The following KCNC4 variants were observed in gnomAD, a reference collection of about 807,000 sequenced individuals.
KCNC4 encodes potassium voltage-gated channel subfamily C member 4, also known as voltage-gated potassium channel KCNC4.
A neutral mutation model predicts 42.8 loss-of-function variants in KCNC4; 23 were observed. The ratio of observed to expected loss-of-function variants is 0.54; its 90% confidence interval spans 0.39 to 0.76. The LOEUF (loss-of-function observed/expected upper bound fraction) is 0.76, where lower values mean the gene tolerates loss of function less well. Among genes scored for constraint, KCNC4 ranks in the 30% least tolerant of loss-of-function variants. The probability of loss-of-function intolerance (pLI) is 0.00; values close to 1 mark genes in which losing one functional copy is unlikely to be tolerated. For synonymous variants in KCNC4, 422 were observed against 393.5 expected, an observed-to-expected ratio of 1.07 and a Z score of -0.86; for missense variants, 751 against 898.2, an observed-to-expected ratio of 0.84 and a Z score of 2.10.
exon 4 of KCNC4, chr1:110,247,606 G>C (rs1312488868): frequency 1.4e-5 from 2 of 143,714 alleles, no homozygotes; most frequent in Non-Finnish European, 3.0e-5. Context: ...CCAGGCTGGA[G>C]TGCAGTGGTG....
chr1:110,254,064 A>G (rs753686160), downstream of KCNC4, among the ~76,000 whole-genome samples: 26 of 138,718 alleles, frequency 1.9e-4, no homozygotes, highest in Non-Finnish European at 2.9e-4. Flanking sequence ...CTGCTTCTTC[A>G]TGAGAAGGAA....
rs758622508 is a variant in KCNC4, at chr1:110,226,160, G to A, written c.1801G>A (p.Asp601Asn). Residue 601 changes from aspartate (D) to asparagine (N), a missense_variant, in exon 3 of 4, where the codon GAT (aspartate) becomes AAT (asparagine). Coordinates refer to ENST00000438661, the MANE Select transcript of KCNC4 (RefSeq NM_001039574.3). ...LLSTGDYACA[D>N]GSVRKETCQD... Reference sequence around the variant, plus strand: ...CAGCACTGGGGACTATGCCTGCGCCGATGGTAGTGTCCGGAAAGGTATGGC... The same window carrying A: ...CAGCACTGGGGACTATGCCTGCGCCAATGGTAGTGTCCGGAAAGGTATGGC... 1.9e-6 allele frequency: 3 copies of A among 1,614,008 alleles called. No homozygotes were observed. Among genetic ancestry groups the A allele is most frequent in the South Asian group, 2.2e-5 (2 of 91,070 alleles).
intron 1 of KCNC4, among the ~76,000 whole-genome samples, chr1:110,213,087 C>T (rs1458304884): frequency 6.8e-6 from 1 of 146,120 alleles, no homozygotes; most frequent in Non-Finnish European, 1.5e-5. Context: ...ACCGCCTCCT[C>T]CCCAAGTAAA....
intron 3 of KCNC4, among the ~76,000 whole-genome samples, chr1:110,231,126 T>G (rs1184174883): frequency 6.6e-6 from 1 of 152,238 alleles, no homozygotes; most frequent in Non-Finnish European, 1.5e-5. Context: ...GCAGGGTTAC[T>G]GGCAACCTAG....
chr1:110,220,634 T>C (rs1658047029), intron 1 of KCNC4: 1 of 152,202 alleles, frequency 6.6e-6, no homozygotes, highest in African/African-American at 2.4e-5. Flanking sequence ...CTGGCAGAAT[T>C]GGGATATGCT....
chr1:110,280,693 A>AT (rs1178302863), intron 1 of KCNC4, among the ~76,000 whole-genome samples: 1 of 151,920 alleles, frequency 6.6e-6, no homozygotes, highest in African/African-American at 2.4e-5. Flanking sequence ...ATAACAACAA[A>AT]TTTTTTTTCA....
rs1314086292 is a variant in KCNC4 at position 110,211,977 on chromosome 1, A to G, written c.478A>G (p.Ile160Val). 6.2e-7 allele frequency: 1 copy of G among 1,610,706 alleles called. No homozygotes were observed. Among genetic ancestry groups the G allele is most frequent in the Admixed American group, 1.7e-5 (1 of 59,954 alleles). The change falls in exon 1 of 4, where the codon ATC becomes GTC. Residue 160 changes from isoleucine (I) to valine (V), a missense_variant. Ile to Val is a conservative substitution (Grantham distance 29, BLOSUM62 3). Around this residue, in one of 4 missense-constraint regions of KCNC4, gnomAD observed 183 missense variants for 255.8 expected, o/e 0.72. Coordinates refer to ENST00000438661, the MANE Select transcript of KCNC4 (RefSeq NM_001039574.3). The surrounding 1 kb of genome is among the most constrained non-coding windows in gnomAD (Gnocchi z 6.5). Reference sequence around the variant, plus strand: ...CCGCGACGCCGAGGAGGCGCTCGACATCTTCGAGAGCCCGGACGGAGGCGG... The same window carrying G: ...CCGCGACGCCGAGGAGGCGCTCGACGTCTTCGAGAGCCCGGACGGAGGCGG... Reference protein sequence around the residue: ...QHRDAEEALDIFESPDGGGSG... With the variant: ...QHRDAEEALDVFESPDGGGSG...
At chr1:110,216,340 TGCCAAGCCTGCCCGGGGCAGC>T (rs1365164240) in intron 1 of KCNC4, among the ~76,000 whole-genome samples, 1 of 152,134 alleles carries the variant, frequency 6.6e-6, no homozygotes, top group Non-Finnish European at 1.5e-5. Context: ...AGGAGGGCAG[TGCCAAGCCTGCCCGGGGCAGC>T]CCCTCCACCT....
intron 1 of KCNC4, chr1:110,222,485 C>T (rs1027490262): frequency 3.1e-5 from 5 of 162,410 alleles, no homozygotes; most frequent in Admixed American, 2.9e-4. Flanking sequence ...GGTCCAGGAC[C>T]ATACTTTGAG....
chr1:110,227,815 A>C (rs1041116328), intron 3 of KCNC4, among the ~76,000 whole-genome samples: 3 of 152,184 alleles, frequency 2.0e-5, no homozygotes, highest in Non-Finnish European at 4.4e-5. Context: ...GGTACCAGTC[A>C]GGAGGGACCA....
chr1:110,262,133 G>C (rs1659467090), intron 1 of KCNC4, among the ~76,000 whole-genome samples: 1 of 152,162 alleles, frequency 6.6e-6, no homozygotes, highest in Admixed American at 6.5e-5. Context: ...CATATGTTTT[G>C]ATTCCATTTT....
downstream of KCNC4, chr1:110,238,294 T>C (rs908417706): frequency 2.0e-5 from 3 of 152,170 alleles, no homozygotes; most frequent in Non-Finnish European, 4.4e-5. Flanking sequence ...TCTACAGAAA[T>C]GTAGGCTTCC....
In KCNC4 at chr1:110,233,915, C is replaced by G. The variant is rs575829475; in HGVS notation, c.*943C>G. The G allele has an allele frequency of 6.6e-6, 1 of 152,668 alleles. No individual in the cohort carries two copies. Among genetic ancestry groups the G allele is most frequent in the East Asian group, 1.9e-4 (1 of 5,178 alleles). The allele number at this position is 152,668 out of a possible 1,614,324, so 9.5% of individuals were successfully genotyped here. A position where few individuals can be genotyped will look rare whatever the true frequency, so the allele number is the denominator to read the frequency against. ...GGTGTTGGTCAGTCCTTTTCTAAAG[C>G]TGTCCCCTCGTGTGTGTCTGGGGCA... On this transcript the variant is annotated 3_prime_UTR_variant, in exon 4 of 4. Transcript: ENST00000438661.
Position 110,223,594 on chromosome 1 carries a change from C to G in KCNC4, c.1309C>G (p.Leu437Val). The change falls in exon 2 of 4, where the codon CTG (leucine) becomes GTG (valine). Residue 437 changes from leucine to valine, a missense_variant. Leu to Val is a conservative substitution (Grantham distance 32). Coordinates refer to ENST00000438661, the MANE Select transcript of KCNC4 (RefSeq NM_001039574.3). This position sits in a 1 kb window ranked among gnomAD's most constrained non-coding sequence, Gnocchi z 7.5. ...FWWAVVTMTT[L>V]GYGDMYPKTW... ...GTGGGCTGTGGTCACCATGACGACA[C>G]TGGGCTACGGAGACATGTACCCCAA... 2 of 1,614,072 alleles carry G rather than the reference C, an allele frequency of 1.2e-6. No individual in the cohort carries two copies. Among genetic ancestry groups the G allele is most frequent in the Non-Finnish European group, 1.7e-6 (2 of 1,180,048 alleles).
chr1:110,276,928 GT>G (rs1221027439), intron 1 of KCNC4, among the ~76,000 whole-genome samples: 1 of 152,244 alleles, frequency 6.6e-6, no homozygotes, highest in East Asian at 1.9e-4. Context: ...GTTCTCAACA[GT>G]GCTGAGAGCC....
chr1:110,238,177 A>C (rs1239044608), downstream of KCNC4: 3 of 152,124 alleles, frequency 2.0e-5, no homozygotes, highest in Non-Finnish European at 2.9e-5. Context: ...TTCTTTCCCC[A>C]CAGGTTATGG....
chr1:110,253,969 G>A (rs1351861118), downstream of KCNC4, among the ~76,000 whole-genome samples: 1 of 152,106 alleles, frequency 6.6e-6, no homozygotes, highest in Non-Finnish European at 1.5e-5. Context: ...ATAGAGGCAG[G>A]TGATCAGTTG....
Position 110,233,681 on chromosome 1 carries a change from G to A in KCNC4, c.*709G>A, listed in dbSNP as rs1317092478. 1 of 152,580 alleles carries A rather than the reference G, an allele frequency of 6.6e-6. No individual in the cohort carries two copies. The highest frequency in any genetic ancestry group is 6.5e-5 in the Admixed American group (1 of 15,314). 9.5% of individuals were successfully genotyped at this position (152,580 alleles called of 1,614,324 possible). ...TCTCCTTTGTCTGTTTGTTGTCAAA[G>A]ATGCTGCTGGGCAGACAGGCAGGGA... is the stretch of plus-strand genomic sequence containing the variant. On this transcript the variant is annotated 3_prime_UTR_variant, in exon 4 of 4. Transcript: ENST00000438661.
At chr1:110,278,210 G>A (rs1659757600) in intron 1 of KCNC4, among the ~76,000 whole-genome samples, 1 of 150,228 alleles carries the variant, frequency 6.7e-6, no homozygotes, top group African/African-American at 2.5e-5. Context: ...AAAAAAAAAA[G>A]AGAATTCTCC....
Sources: allele counts gnomAD v4.1 joint callset (sites outside exome capture counted in the v4.1 genomes callset), GRCh38; gene constraint gnomAD v4.1.1; regional missense constraint gnomAD v4.1.1; non-coding constraint Gnocchi (gnomAD v3.1); transcripts MANE v1.5; gene names NCBI Gene and HGNC (gene_info 2026-07-23, HGNC 2026-07-21).